The following NRG1 variants were observed in gnomAD, a reference collection of about 807,000 sequenced individuals.
The protein encoded by NRG1 is neuregulin 1.
A neutral mutation model predicts 63.8 loss-of-function variants in NRG1; 18 were observed. The observed-to-expected ratio is 0.28, with a 90% CI of 0.19 to 0.42. The LOEUF (loss-of-function observed/expected upper bound fraction) is 0.42. Ranked by LOEUF, NRG1 falls within the 10% of genes least tolerant of loss-of-function variation. The probability of loss-of-function intolerance (pLI) is 1.00; values close to 1 mark genes in which losing one functional copy is unlikely to be tolerated. For missense variants in NRG1, 762 were observed against 814.7 expected (o/e 0.94, Z 0.79); for synonymous variants, 302 against 301.3 (o/e 1.00, Z -0.02).
rs146982769 is a variant in NRG1, at chr8:31,860,998, G to T, written c.37+221567G>T. ...ACTGTTTCTACTCCACAAAAAGAAA[G>T]AAATCAGTTGAATTTTCTCTGATAA... On this transcript the variant is annotated intron_variant, in intron 1 of 10. Coordinates refer to the NRG1 transcript ENST00000519301. Among the ~76,000 whole-genome samples the T allele has an allele frequency of 3.7e-3, 571 of 152,288 alleles. 1 individual carries two copies. The highest frequency in any genetic ancestry group is 0.024 in the Middle Eastern group (7 of 294).
At chr8:32,048,446 CATATAT>C (rs869311093) in intron 1 of NRG1, among the ~76,000 whole-genome samples, 62 of 6,730 alleles carry the variant, frequency 9.2e-3, no homozygotes, top group African/African-American at 9.6e-3. Context: ...TATATACATA[CATATAT>C]ATATATATAT....
intron 1 of NRG1, among the ~76,000 whole-genome samples, chr8:32,323,639 T>A (rs563073860): frequency 2.1e-4 from 32 of 152,394 alleles, no homozygotes; most frequent in African/African-American, 6.5e-4. Flanking sequence ...CTTTGGCCTC[T>A]GCCTTGAGGG....
chr8:31,925,433 G>A (rs1178643469), intron 1 of NRG1, among the ~76,000 whole-genome samples: 7 of 151,774 alleles, frequency 4.6e-5, no homozygotes, highest in South Asian at 4.1e-4. Flanking sequence ...ATGTAAACCC[G>A]ATGTAGTTAA....
At chr8:32,754,990 G>A (rs1292269825) in intron 8 of NRG1, among the ~76,000 whole-genome samples, 6 of 152,230 alleles carry the variant, frequency 3.9e-5, no homozygotes, top group South Asian at 2.1e-4. Flanking sequence ...GAAACCTTTC[G>A]TGGTATCTGA....
At chr8:31,938,394 A>G (rs1223113517) in intron 1 of NRG1, among the ~76,000 whole-genome samples, 4 of 152,116 alleles carry the variant, frequency 2.6e-5, no homozygotes, top group African/African-American at 9.7e-5. Flanking sequence ...CATGGGACAA[A>G]AGAATCTGAA....
intron 1 of NRG1, among the ~76,000 whole-genome samples, chr8:32,047,787 A>G (rs779178101): frequency 6.6e-6 from 1 of 150,850 alleles, no homozygotes. Context: ...AACACTTTAC[A>G]TTTACTCTTT....
chr8:31,809,169 C>A (rs533176403), intron 1 of NRG1, among the ~76,000 whole-genome samples: 1 of 151,752 alleles, frequency 6.6e-6, no homozygotes, highest in Admixed American at 6.6e-5. Context: ...CTGTTTTTAT[C>A]TTCTCTGAGA....
chr8:31,846,009 G>A (rs971695358), intron 1 of NRG1, among the ~76,000 whole-genome samples: 1 of 152,076 alleles, frequency 6.6e-6, no homozygotes, highest in Non-Finnish European at 1.5e-5. Context: ...TGATATCCAT[G>A]GCAGAGAGTT....
At chr8:32,668,261 C>T (rs1186649745) in intron 5 of NRG1, among the ~76,000 whole-genome samples, 2 of 152,046 alleles carry the variant, frequency 1.3e-5, no homozygotes, top group South Asian at 2.1e-4. Context: ...GTCCATATCC[C>T]CCTTTTGCAA....
intron 1 of NRG1, among the ~76,000 whole-genome samples, chr8:31,978,865 ATGGT>A (rs1264190084): frequency 1.3e-5 from 2 of 152,152 alleles, no homozygotes; most frequent in African/African-American, 4.8e-5. Context: ...TTCAAATTTC[ATGGT>A]GCCTGTCTAT....
At chr8:32,079,533 A>G (rs1003269730) in intron 1 of NRG1, among the ~76,000 whole-genome samples, 1 of 152,166 alleles carries the variant, frequency 6.6e-6, no homozygotes, top group Non-Finnish European at 1.5e-5. Context: ...CTCTTCCTCA[A>G]ATTTAACATT....
chr8:32,432,277 T>C (rs1354991213), intron 1 of NRG1, among the ~76,000 whole-genome samples: 2 of 152,168 alleles, frequency 1.3e-5, no homozygotes, highest in African/African-American at 2.4e-5. Context: ...AAGCTAACTA[T>C]GTACTAAACA....
At chr8:32,393,527 T>C (rs1812045115) in intron 1 of NRG1, among the ~76,000 whole-genome samples, 1 of 152,142 alleles carries the variant, frequency 6.6e-6, no homozygotes, top group African/African-American at 2.4e-5. Flanking sequence ...ATGTGGTACA[T>C]ATATACCATG....
intron 1 of NRG1, among the ~76,000 whole-genome samples, chr8:32,352,981 G>C (rs1052674908): frequency 5.4e-5 from 8 of 147,326 alleles, no homozygotes; most frequent in East Asian, 2.0e-4. Flanking sequence ...GAGAGACAGA[G>C]AGAGAGTAAA....
chr8:32,539,650 C>A (rs1318133781), intron 1 of NRG1, among the ~76,000 whole-genome samples: 2 of 152,234 alleles, frequency 1.3e-5, no homozygotes, highest in South Asian at 2.1e-4. Flanking sequence ...AAACAACTTA[C>A]AGCTGTAGAT....
intron 1 of NRG1, among the ~76,000 whole-genome samples, chr8:32,200,366 A>G (rs1489709148): frequency 6.6e-6 from 1 of 152,176 alleles, no homozygotes; most frequent in Non-Finnish European, 1.5e-5. Flanking sequence ...CATTTCATAG[A>G]GCACGTTGTT....
chr8:32,019,365 A>G (rs1816083641), intron 1 of NRG1, among the ~76,000 whole-genome samples: 1 of 152,194 alleles, frequency 6.6e-6, no homozygotes, highest in Non-Finnish European at 1.5e-5. Context: ...CCCAAACAGC[A>G]GGGATTACAG....
At chr8:32,541,824 G>T (rs1832603342) in intron 1 of NRG1, among the ~76,000 whole-genome samples, 1 of 152,168 alleles carries the variant, frequency 6.6e-6, no homozygotes, top group South Asian at 2.1e-4. Context: ...GAATATGGAT[G>T]ATGGGAATAT....
At chr8:32,352,792 T>A (rs971154833) in intron 1 of NRG1, among the ~76,000 whole-genome samples, 2 of 152,018 alleles carry the variant, frequency 1.3e-5, no homozygotes, top group African/African-American at 4.8e-5. Flanking sequence ...AAGGGAGGAT[T>A]GCTTGAGCAC....
Sources: allele counts gnomAD v4.1 joint callset (sites outside exome capture counted in the v4.1 genomes callset), GRCh38; gene constraint gnomAD v4.1.1; transcripts MANE v1.5; gene names NCBI Gene and HGNC (gene_info 2026-07-23, HGNC 2026-07-21).